Variants in JTB observed in about 807,000 individuals in gnomAD.
JTB encodes the protein jumping translocation breakpoint, also known as protein JTB.
In JTB, 10 loss-of-function variants were observed where a neutral mutation model predicts 22.1. That is an observed-to-expected ratio of 0.45 (90% CI 0.28 to 0.77). The LOEUF (loss-of-function observed/expected upper bound fraction) is 0.77. JTB is among the 30% of genes least tolerant of loss of function. The pLI is 0.13. For synonymous variants in JTB, 83 were observed against 66.8 expected (o/e 1.24, Z -1.18); for missense variants, 137 against 180.3 (o/e 0.76, Z 1.38).
In JTB at chr1:153,977,340, C is replaced by G; in HGVS notation, c.-88G>C. The G allele has an allele frequency of 6.4e-7, 1 of 1,554,980 alleles. No individual in the cohort carries two copies. Among genetic ancestry groups the G allele is most frequent in the Non-Finnish European group, 8.7e-7 (1 of 1,154,242 alleles). On this transcript the variant is annotated 5_prime_UTR_variant, in exon 1 of 5. Coordinates refer to ENST00000271843, the MANE Select transcript of JTB (RefSeq NM_006694.4). ...TCGGAGCGCAGAGGCGGCACTTACT[C>G]TGCAGCCCTCCCAGAGGTTCCAGGT...
chr1:153,976,813 G>A (rs1648808018), intron 2 of JTB, 38 bp from the exon 3 acceptor site: 2 of 1,609,564 alleles, frequency 1.2e-6, no homozygotes, highest in South Asian at 1.1e-5. Flanking sequence ...AGGCCATTCA[G>A]AAAACATTTC....
rs563894409 is a variant in JTB, at chr1:153,977,591, C to T, written c.-339G>A. ...GCCATCTAGCCCCGTGGAGGATCCT[C>T]GGGCGCGGGACCGAGCTCGGGGCCC... is the stretch of plus-strand genomic sequence containing the variant. On this transcript the variant is annotated 5_prime_UTR_variant, in exon 1 of 5. Coordinates refer to ENST00000271843, the MANE Select transcript of JTB (RefSeq NM_006694.4). 7 of 1,035,330 alleles carry T rather than the reference C, an allele frequency of 6.8e-6. No homozygotes were observed. The highest frequency in any genetic ancestry group is 8.1e-6 in the Non-Finnish European group (7 of 861,134). The allele number at this position is 1,035,330 out of a possible 1,614,324, so 64.1% of individuals were successfully genotyped here.
Position 153,977,489 on chromosome 1 carries a change from C to T in JTB, c.-237G>A. 4 of 1,248,242 alleles carry T rather than the reference C, an allele frequency of 3.2e-6. No individual in the cohort carries two copies. Among genetic ancestry groups the T allele is most frequent in the Non-Finnish European group, 4.0e-6 (4 of 991,202 alleles). 77.3% of individuals were successfully genotyped at this position (1,248,242 alleles called of 1,614,324 possible). ...GGAGGCGAGCGCCTTCTGCGGGGTCCGCAGGGCGCTGGAGGAAGGGCCGGC... is the reference window on the plus strand; with the variant it reads ...GGAGGCGAGCGCCTTCTGCGGGGTCTGCAGGGCGCTGGAGGAAGGGCCGGC... On this transcript the variant is annotated 5_prime_UTR_variant, in exon 1 of 5. Transcript: ENST00000271843.
rs1475612977 is a variant in JTB, at chr1:153,977,495, G to A, written c.-243C>T. The A allele has an allele frequency of 8.1e-7, 1 of 1,231,600 alleles. No individual in the cohort carries two copies. Among genetic ancestry groups the A allele is most frequent in the Non-Finnish European group, 1.0e-6 (1 of 981,342 alleles). The allele number at this position is 1,231,600 out of a possible 1,614,324, so 76.3% of individuals were successfully genotyped here. Reference sequence around the variant, plus strand: ...GAGCGCCTTCTGCGGGGTCCGCAGGGCGCTGGAGGAAGGGCCGGCGGGGGC... The same window carrying A: ...GAGCGCCTTCTGCGGGGTCCGCAGGACGCTGGAGGAAGGGCCGGCGGGGGC... On this transcript the variant is annotated 5_prime_UTR_variant, in exon 1 of 5. Coordinates refer to ENST00000271843, the MANE Select transcript of JTB (RefSeq NM_006694.4).
rs1036435528 is a variant in JTB at position 153,977,629 on chromosome 1, G to A, written c.-377C>T. On this transcript the variant is annotated 5_prime_UTR_variant, in exon 1 of 5. Transcript: ENST00000271843. ...GAGCTCGGGGCCCGGTGTTCCCGGG[G>A]GCGTTCGGTCGTCGCCCGCTGGGGC... 4 of 1,012,960 alleles carry A rather than the reference G, an allele frequency of 3.9e-6. No homozygotes were observed. Among genetic ancestry groups the A allele is most frequent in the South Asian group, 4.0e-5 (1 of 25,108 alleles). 62.7% of individuals were successfully genotyped at this position (1,012,960 alleles called of 1,614,324 possible).
chr1:153,974,742 A>G lies in JTB; in HGVS notation c.378T>C (p.Ile126=). 1 of 1,613,952 alleles carries G rather than the reference A, an allele frequency of 6.2e-7. No individual in the cohort carries two copies. The highest frequency in any genetic ancestry group is 8.5e-7 in the Non-Finnish European group (1 of 1,179,838). ...CCTTTCTGTCCAATTGTCGCTGACGAATGATGACAAGACAAGCGAAGATCA... is the reference window on the plus strand; with the variant it reads ...CCTTTCTGTCCAATTGTCGCTGACGGATGATGACAAGACAAGCGAAGATCA... ...VALIFACLVI[I]RQRQLDRKAL... Residue 126 remains isoleucine, a synonymous_variant, in exon 5 of 5, where the codon ATT becomes ATC. Coordinates refer to ENST00000271843, the MANE Select transcript of JTB (RefSeq NM_006694.4).
At position 153,977,166 on chromosome 1, in the gene JTB, T is replaced by G; in HGVS notation, c.83+4A>C. On this transcript the variant is annotated splice_donor_region_variant and intron_variant, in intron 1 of 4. Coordinates refer to ENST00000271843, the MANE Select transcript of JTB (RefSeq NM_006694.4). The stretch of plus-strand genomic sequence containing the variant: ...CCTTTTCCCTCCCCTTACCTCCTCC[T>G]TACCAGAGCTTTAAGGTGAAAGCAC... The G allele has an allele frequency of 6.2e-7, 1 of 1,614,162 alleles. No homozygotes were observed. The highest frequency in any genetic ancestry group is 1.6e-4 in the Middle Eastern group (1 of 6,062).
chr1:153,977,428 C>T lies in JTB; in HGVS notation c.-176G>A. 7.2e-7 allele frequency: 1 copy of T among 1,379,354 alleles called. No homozygotes were observed. Among genetic ancestry groups the T allele is most frequent in the Non-Finnish European group, 9.3e-7 (1 of 1,070,356 alleles). The allele number at this position is 1,379,354 out of a possible 1,614,324, so 85.4% of individuals were successfully genotyped here. A position where few individuals can be genotyped will look rare whatever the true frequency, so the allele number is the denominator to read the frequency against. ...GGATCTATCAGGACGTCCCCGTTGC[C>T]ACAGCGAGAAAAATCGATATGTTTT... On this transcript the variant is annotated 5_prime_UTR_variant, in exon 1 of 5. Transcript: ENST00000271843.
chr1:153,974,948 C>T (rs964702458), intron 4 of JTB, 113 bp from the exon 5 acceptor site: 3 of 1,030,190 alleles, frequency 2.9e-6, no homozygotes, highest in Non-Finnish European at 4.2e-6. Context: ...CAGAGCCAGG[C>T]TTCTATTGTG....
At chr1:153,975,997 C>A (rs1648783269) in intron 3 of JTB, 92 bp from the exon 4 acceptor site, 1 of 864,794 alleles carries the variant, frequency 1.2e-6, no homozygotes, top group African/African-American at 1.7e-5. Flanking sequence ...TGCCCAACTG[C>A]TATGGTTTGG....
intron 4 of JTB, 88 bp from the exon 5 acceptor site, chr1:153,974,923 C>T (rs1480632626): frequency 1.1e-5 from 15 of 1,354,194 alleles, no homozygotes; most frequent in Non-Finnish European, 1.5e-5. Context: ...AGCCAGGATA[C>T]ACTCAAGAGG....
Position 153,977,664 on chromosome 1 carries a change from T to C in JTB, c.-412A>G. On this transcript the variant is annotated 5_prime_UTR_variant, in exon 1 of 5. Coordinates refer to ENST00000271843, the MANE Select transcript of JTB (RefSeq NM_006694.4). ...CGTCGCCCGCTGGGGCTTATAGTCT[T>C]CCGCGTCGGTGGCGCCTCGCCTGCT... 1 of 991,000 alleles carries C rather than the reference T, an allele frequency of 1.0e-6. No individual in the cohort carries two copies. The highest frequency in any genetic ancestry group is 1.2e-6 in the Non-Finnish European group (1 of 833,400). The allele number at this position is 991,000 out of a possible 1,614,324, so 61.4% of individuals were successfully genotyped here.
At chr1:153,975,993 A>C in intron 3 of JTB, 88 bp from the exon 4 acceptor site, 1 of 885,510 alleles carries the variant, frequency 1.1e-6, no homozygotes. Flanking sequence ...CAGGTGCCCA[A>C]CTGCTATGGT....
At position 153,977,588 on chromosome 1, in the gene JTB, C is replaced by T. The variant is rs2102185619; in HGVS notation, c.-336G>A. On this transcript the variant is annotated 5_prime_UTR_variant, in exon 1 of 5. Coordinates refer to ENST00000271843, the MANE Select transcript of JTB (RefSeq NM_006694.4). ...GCAGCCATCTAGCCCCGTGGAGGAT[C>T]CTCGGGCGCGGGACCGAGCTCGGGG... 9.6e-7 allele frequency: 1 copy of T among 1,038,058 alleles called. No homozygotes were observed. Among genetic ancestry groups the T allele is most frequent in the African/African-American group, 1.7e-5 (1 of 58,406 alleles). 64.3% of individuals were successfully genotyped at this position (1,038,058 alleles called of 1,614,324 possible). A position where few individuals can be genotyped will look rare whatever the true frequency, so the allele number is the denominator to read the frequency against.
rs982375623 is a variant in JTB, at chr1:153,976,861, T to C, written c.122-86A>G. 1.8e-5 allele frequency: 29 copies of C among 1,593,290 alleles called. No homozygotes were observed. In the African/African-American group the frequency reaches 2.4e-4, roughly 13 times the overall value. ...CCCATCCAACTTCCCGGCACAGCGC[T>C]TGCCCTCATTCCATGTGGTGCCGGC... On this transcript the variant is annotated intron_variant, in intron 2 of 4. Coordinates refer to ENST00000271843, the MANE Select transcript of JTB (RefSeq NM_006694.4).
In JTB at chr1:153,976,764, T is replaced by C. The variant is rs748638757; in HGVS notation, c.133A>G (p.Asn45Asp). The change falls in exon 3 of 5, where the codon AAT (asparagine) becomes GAT (aspartate). Residue 45 changes from asparagine to aspartate, a missense_variant. Transcript: ENST00000271843. ...QEEKLSASTS[N>D]LPCWLVEEFV... ...TCTTCCACCAGCCAGCATGGCAAAT[T>C]TGAGGTGCTTGCTGAAAGGAAAGAT... The C allele has an allele frequency of 1.2e-6, 2 of 1,614,114 alleles. No homozygotes were observed. Among genetic ancestry groups the C allele is most frequent in the Non-Finnish European group, 1.7e-6 (2 of 1,180,008 alleles).
At chr1:153,976,278 A>T (rs1345680396) in intron 3 of JTB, among the ~76,000 whole-genome samples, 2 of 152,256 alleles carry the variant, frequency 1.3e-5, no homozygotes, top group African/African-American at 4.8e-5. Flanking sequence ...CCTGGCCAAC[A>T]CAGTGAAACC....
In JTB at chr1:153,974,934, A is replaced by C. The variant is rs1648733192; in HGVS notation, c.285-99T>G. On this transcript the variant is annotated intron_variant, in intron 4 of 4. Transcript: ENST00000271843. The stretch of plus-strand genomic sequence containing the variant: ...GCCTAGCCAGGATACACTCAAGAGG[A>C]AATCAGAGCCAGGCTTCTATTGTGT... 5 of 1,191,394 alleles carry C rather than the reference A, an allele frequency of 4.2e-6. No homozygotes were observed. In the Admixed American group the frequency reaches 1.2e-4, roughly 27 times the overall value. The allele number at this position is 1,191,394 out of a possible 1,614,324, so 73.8% of individuals were successfully genotyped here. A position where few individuals can be genotyped will look rare whatever the true frequency, so the allele number is the denominator to read the frequency against.
intron 4 of JTB, 25 bp from the exon 5 acceptor site, chr1:153,974,860 T>A: frequency 6.3e-7 from 1 of 1,587,446 alleles, no homozygotes; most frequent in Non-Finnish European, 8.6e-7. Flanking sequence ...GAATAGTTAT[T>A]CCCAAGGAAG....
Sources: gnomAD v4.1 joint callset for allele counts (sites outside exome capture counted in the v4.1 genomes callset) on GRCh38, gnomAD v4.1.1 for gene constraint, MANE v1.5 for transcripts, NCBI Gene and HGNC (gene_info 2026-07-23, HGNC 2026-07-21) for gene names.